The following DCUN1D1 variants were observed in gnomAD, a reference collection of about 807,000 sequenced individuals.
DCUN1D1 encodes the protein defective in cullin neddylation 1 domain containing 1.
In DCUN1D1, 3 loss-of-function variants were observed where a neutral mutation model predicts 39.0. The ratio of observed to expected loss-of-function variants is 0.08; its 90% CI spans 0.04 to 0.20. The LOEUF (loss-of-function observed/expected upper bound fraction) is 0.20, where lower values mean the gene tolerates loss of function less well. DCUN1D1 is among the 10% of genes least tolerant of loss of function. The pLI is 1.00. For synonymous variants in DCUN1D1, 82 were observed against 96.3 expected, an observed-to-expected ratio of 0.85 and a Z score of 0.87; for missense variants, 158 against 302.4, an observed-to-expected ratio of 0.52 and a Z score of 3.54.
At chr3:182,949,538 A>G (rs1353273085) in intron 4 of DCUN1D1, among the ~76,000 whole-genome samples, 1 of 152,132 alleles carries the variant, frequency 6.6e-6, no homozygotes, top group Non-Finnish European at 1.5e-5. Flanking sequence ...TGGGCAACAT[A>G]GCAAGACCCC....
chr3:182,953,836 A>G (rs1021847870), intron 4 of DCUN1D1, among the ~76,000 whole-genome samples: 8 of 152,208 alleles, frequency 5.3e-5, no homozygotes, highest in Non-Finnish European at 1.2e-4. Flanking sequence ...ATAAATCCTT[A>G]AGTCCTTACG....
At chr3:182,978,393 A>AT (rs1396991566) in intron 1 of DCUN1D1, among the ~76,000 whole-genome samples, 11 of 151,864 alleles carry the variant, frequency 7.2e-5, no homozygotes, top group African/African-American at 2.7e-4. Flanking sequence ...CTTTCTTATT[A>AT]TTTTTTTTAA....
rs1211849376 is a variant in DCUN1D1, at chr3:182,940,494, T to G, written c.*4600A>C. On this transcript the variant is annotated 3_prime_UTR_variant, in exon 7 of 7. Transcript: ENST00000292782. ...GGCATGAATTTCAGTCTGACTCCATTTCTTTCCATTCCGCTGACAGATATG... is the reference window on the plus strand; with the variant it reads ...GGCATGAATTTCAGTCTGACTCCATGTCTTTCCATTCCGCTGACAGATATG... 1 of 152,146 alleles carries G rather than the reference T, an allele frequency of 6.6e-6. No individual in the cohort carries two copies. The allele number at this position is 152,146 out of a possible 1,614,324, so 9.4% of individuals were successfully genotyped here. A position where few individuals can be genotyped will look rare whatever the true frequency, so the allele number is the denominator to read the frequency against.
Position 182,980,496 on chromosome 3 carries a change from G to A in DCUN1D1, c.-7C>T, listed in dbSNP as rs1400373147. On this transcript the variant is annotated 5_prime_UTR_variant, in exon 1 of 7. Transcript: ENST00000292782. ...GGCCGCAGTGCCTCACCATGTTGGT[G>A]TCCTCCAGGCCTCTCCCCTCCTCCT... 3.2e-6 allele frequency: 4 copies of A among 1,241,186 alleles called. No individual in the cohort carries two copies. The South Asian group carries it at 5.5e-5, about 17-fold the overall frequency. 76.9% of individuals were successfully genotyped at this position (1,241,186 alleles called of 1,614,324 possible).
At position 182,953,284 on chromosome 3, in the gene DCUN1D1, T is replaced by C. The variant is rs182149069; in HGVS notation, c.521-5652A>G. Reference sequence around the variant, plus strand: ...AAAGGAAGACTTTAACTCAAAAAGATTAATAAGTTATAACTAAGAGCTGAA... The same window carrying C: ...AAAGGAAGACTTTAACTCAAAAAGACTAATAAGTTATAACTAAGAGCTGAA... On this transcript the variant is annotated intron_variant, in intron 4 of 6. Coordinates refer to ENST00000292782, the MANE Select transcript of DCUN1D1 (RefSeq NM_020640.4). Among the ~76,000 whole-genome samples, 704 of 152,248 alleles carry C rather than the reference T, an allele frequency of 4.6e-3. 1 individual carries two copies. The highest frequency in any genetic ancestry group is 0.01 in the Middle Eastern group (3 of 294).
chr3:182,982,533 A>G (rs1577211689), upstream of DCUN1D1, among the ~76,000 whole-genome samples: 1 of 151,092 alleles, frequency 6.6e-6, no homozygotes, highest in Non-Finnish European at 1.5e-5. Context: ...ATCATCCACC[A>G]CTCTTCCTGC....
chr3:182,977,772 G>T (rs1728313141), intron 1 of DCUN1D1, among the ~76,000 whole-genome samples: 1 of 151,848 alleles, frequency 6.6e-6, no homozygotes, highest in Admixed American at 6.5e-5. Context: ...TGGCGTGGTG[G>T]CTCACGCCTG....
chr3:182,984,320 CAT>C (rs1407627979), upstream of DCUN1D1, among the ~76,000 whole-genome samples: 1 of 152,166 alleles, frequency 6.6e-6, no homozygotes, highest in African/African-American at 2.4e-5. Context: ...GTGAGATAAA[CAT>C]ATTTGTTAAA....
intron 1 of DCUN1D1, among the ~76,000 whole-genome samples, chr3:182,978,110 G>C (rs893143588): frequency 6.6e-6 from 1 of 151,298 alleles, no homozygotes; most frequent in East Asian, 1.9e-4. Context: ...TTTTGGAGTC[G>C]TTTTTAGTCT....
At position 182,945,269 on chromosome 3, in the gene DCUN1D1, T is replaced by A. The variant is rs1396171172; in HGVS notation, c.701-96A>T. ...GAATCCTTTTTTTAAGACTTCCTCA[T>A]AAGCGTTAAAGTATATCATTCTTAT... On this transcript the variant is annotated intron_variant, in intron 6 of 6. Transcript: ENST00000292782. 4.3e-6 allele frequency: 4 copies of A among 933,416 alleles called. No individual in the cohort carries two copies. The African/African-American group carries it at 5.0e-5, about 12-fold the overall frequency. The allele number at this position is 933,416 out of a possible 1,614,324, so 57.8% of individuals were successfully genotyped here.
chr3:182,955,073 T>C (rs545179496), intron 4 of DCUN1D1, among the ~76,000 whole-genome samples: 2 of 152,122 alleles, frequency 1.3e-5, no homozygotes, highest in East Asian at 3.9e-4. Flanking sequence ...TGAGCCTCGC[T>C]CTTGCTGTCC....
At chr3:182,972,279 C>T (rs914775033) in intron 1 of DCUN1D1, among the ~76,000 whole-genome samples, 1 of 151,192 alleles carries the variant, frequency 6.6e-6, no homozygotes, top group Non-Finnish European at 1.5e-5. Flanking sequence ...AGGCTTGAAA[C>T]TCAGAGAAAA....
intron 3 of DCUN1D1, among the ~76,000 whole-genome samples, chr3:182,963,644 G>A (rs2108375416): frequency 6.6e-6 from 1 of 152,192 alleles, no homozygotes; most frequent in East Asian, 1.9e-4. Flanking sequence ...TAATACTAAT[G>A]AACCTGCCTT....
At position 182,976,124 on chromosome 3, in the gene DCUN1D1, T is replaced by C. The variant is rs755185475; in HGVS notation, c.3+4363A>G. ...GGTATACTTGATAATCCATTAGTTT[T>C]TATTGAACATTAGACAGTCATCTTA... is the stretch of plus-strand genomic sequence containing the variant. On this transcript the variant is annotated intron_variant, in intron 1 of 6. Coordinates refer to ENST00000292782, the MANE Select transcript of DCUN1D1 (RefSeq NM_020640.4). 2.0e-5 allele frequency among the ~76,000 whole-genome samples: 3 copies of C among 152,290 alleles called. No individual in the cohort carries two copies. In the South Asian group the frequency reaches 6.2e-4, roughly 32 times the overall value.
intron 3 of DCUN1D1, among the ~76,000 whole-genome samples, chr3:182,963,343 C>T (rs1426746674): frequency 6.6e-6 from 1 of 152,142 alleles, no homozygotes; most frequent in African/African-American, 2.4e-5. Context: ...ACAGAAAGGG[C>T]AGCTTGTTAC....
intron 4 of DCUN1D1, among the ~76,000 whole-genome samples, chr3:182,954,007 A>AT (rs1229621109): frequency 1.3e-5 from 2 of 152,184 alleles, no homozygotes; most frequent in African/African-American, 4.8e-5. Context: ...AAGAAACAAA[A>AT]TGTTGCCAGC....
In DCUN1D1 at chr3:182,943,693, C is replaced by G. The variant is rs1322515760; in HGVS notation, c.*1401G>C. Reference sequence around the variant, plus strand: ...ACATTTGAAGTATTACATTTCTAGCCTGCCTTACGGAAATGTTTAAGAAAG... The same window carrying G: ...ACATTTGAAGTATTACATTTCTAGCGTGCCTTACGGAAATGTTTAAGAAAG... On this transcript the variant is annotated 3_prime_UTR_variant, in exon 7 of 7. Transcript: ENST00000292782. The G allele has an allele frequency of 6.6e-6, 1 of 152,448 alleles. No individual in the cohort carries two copies. The highest frequency in any genetic ancestry group is 1.5e-5 in the Non-Finnish European group (1 of 67,998). 9.4% of individuals were successfully genotyped at this position (152,448 alleles called of 1,614,324 possible). A position where few individuals can be genotyped will look rare whatever the true frequency, so the allele number is the denominator to read the frequency against.
rs57297234 is a variant in DCUN1D1 at position 182,943,114 on chromosome 3, GAAAAAAAAAA to G, written c.*1970_*1979del. 7.4e-5 allele frequency: 4 copies of G among 54,408 alleles called. No individual in the cohort carries two copies. The highest frequency in any genetic ancestry group is 5.3e-4 in the East Asian group (1 of 1,896). 3.4% of individuals were successfully genotyped at this position (54,408 alleles called of 1,614,324 possible). ...ACTTTTAAAGAAAACACTTTATATT[GAAAAAAAAAA>G]AAAAAAAAAAAAGCTAATGGGATCT... On this transcript the variant is annotated 3_prime_UTR_variant, in exon 7 of 7. Coordinates refer to ENST00000292782, the MANE Select transcript of DCUN1D1 (RefSeq NM_020640.4).
upstream of DCUN1D1, among the ~76,000 whole-genome samples, chr3:182,983,643 G>A (rs1728630912): frequency 6.6e-6 from 1 of 152,046 alleles, no homozygotes; most frequent in South Asian, 2.1e-4. Context: ...GGAGGCAGAG[G>A]TTGCAGTGAG....
Sources: allele counts gnomAD v4.1 joint callset (sites outside exome capture counted in the v4.1 genomes callset), GRCh38; gene constraint gnomAD v4.1.1; transcripts MANE v1.5; gene names NCBI Gene and HGNC (gene_info 2026-07-23, HGNC 2026-07-21).